Variants in PIK3CA observed in about 807,000 individuals in gnomAD.
The protein encoded by PIK3CA is phosphatidylinositol 4,5-bisphosphate 3-kinase catalytic subunit alpha isoform.
A neutral mutation model predicts 138.2 loss-of-function variants in PIK3CA; 27 were observed. That is an observed-to-expected ratio of 0.20 (90% CI 0.14 to 0.27). The LOEUF (loss-of-function observed/expected upper bound fraction) is 0.27, where lower values mean the gene tolerates loss of function less well. PIK3CA is among the 10% of genes least tolerant of loss of function. The pLI is 1.00. For missense variants in PIK3CA, 544 were observed against 1,277.4 expected, an observed-to-expected ratio of 0.43 and a Z score of 8.75; for synonymous variants, 358 against 413.2, an observed-to-expected ratio of 0.87 and a Z score of 1.62.
chr3:179,192,456 A>G (rs1356044020), intron 1 of PIK3CA, among the ~76,000 whole-genome samples: 2 of 152,234 alleles, frequency 1.3e-5, no homozygotes, highest in Admixed American at 6.5e-5. Flanking sequence ...TCCTATTTCA[A>G]GATTTTAACT....
rs1576942788 is a variant in PIK3CA, at chr3:179,219,163, A to G, written c.1665-33A>G. ...GTCAACCTTTTGAACAGCATGCAAG[A>G]ATGTTTATGTTTATTTTGTTTCTCC... On this transcript the variant is annotated intron_variant, in intron 10 of 20. Transcript: ENST00000263967. The surrounding 1 kb of genome is among the most constrained non-coding windows in gnomAD (Gnocchi z 4.2). 2 of 1,314,742 alleles carry G rather than the reference A, an allele frequency of 1.5e-6. No homozygotes were observed. Among genetic ancestry groups the G allele is most frequent in the African/African-American group, 2.9e-5 (2 of 68,894 alleles). 81.4% of individuals were successfully genotyped at this position (1,314,742 alleles called of 1,614,324 possible).
chr3:179,236,783 T>C lies in PIK3CA; in HGVS notation c.*2419T>C, dbSNP rs1725341161. The stretch of plus-strand genomic sequence containing the variant: ...AGACAAATTCTATAAAGACTATAGA[T>C]TGTGACCTAAGAAAGAAATGAGGCA... On this transcript the variant is annotated 3_prime_UTR_variant, in exon 21 of 21. Coordinates refer to ENST00000263967, the MANE Select transcript of PIK3CA (RefSeq NM_006218.4). 4.7e-6 allele frequency: 1 copy of C among 214,748 alleles called. No homozygotes were observed. Among genetic ancestry groups the C allele is most frequent in the South Asian group, 1.8e-4 (1 of 5,456 alleles). The allele number at this position is 214,748 out of a possible 1,614,324, so 13.3% of individuals were successfully genotyped here.
chr3:179,170,076 G>GCGCGCA (rs1553815527), intron 1 of PIK3CA, among the ~76,000 whole-genome samples: 16 of 139,292 alleles, frequency 1.1e-4, no homozygotes, highest in East Asian at 4.0e-4. Flanking sequence ...ACGCGCGCGC[G>GCGCGCA]CACACACACA....
intron 3 of PIK3CA, among the ~76,000 whole-genome samples, chr3:179,201,038 G>C (rs192622209): frequency 6.6e-6 from 1 of 152,214 alleles, no homozygotes; most frequent in African/African-American, 2.4e-5. Context: ...AATTAGCTTG[G>C]TCTCAGGTAC....
chr3:179,167,184 C>T (rs1273854980), intron 1 of PIK3CA, among the ~76,000 whole-genome samples: 1 of 152,060 alleles, frequency 6.6e-6, no homozygotes, highest in Non-Finnish European at 1.5e-5. Flanking sequence ...GAAATATACA[C>T]ATACCTTAGT....
rs2108389453 is a variant in PIK3CA, at chr3:179,201,342, G to C, written c.615G>C (p.Gln205His). 6.2e-7 allele frequency: 1 copy of C among 1,613,094 alleles called. No individual in the cohort carries two copies. Among genetic ancestry groups the C allele is most frequent in the Non-Finnish European group, 8.5e-7 (1 of 1,179,250 alleles). ...WVIVSPNNDK[Q>H]KYTLKINHDC... is the part of the protein sequence containing the mutation. The stretch of plus-strand genomic sequence containing the variant: ...TAGTTTCTCCAAATAATGACAAGCA[G>C]AAGTATACTCTGAAAATCAACCATG... Residue 205 changes from glutamine to histidine, a missense_variant, in exon 4 of 21, where the codon CAG becomes CAC. Transcript: ENST00000263967.
Position 179,222,158 on chromosome 3 carries a change from T to G in PIK3CA, c.2187+1001T>G, listed in dbSNP as rs576019371. Reference sequence around the variant, plus strand: ...AAAAAAAAGAAAAATCGTATATTAGTGAGTCCCCAAAGGACAGAGAATGTA... The same window carrying G: ...AAAAAAAAGAAAAATCGTATATTAGGGAGTCCCCAAAGGACAGAGAATGTA... On this transcript the variant is annotated intron_variant, in intron 14 of 20. Transcript: ENST00000263967. Among the ~76,000 whole-genome samples, 8 of 152,096 alleles carry G rather than the reference T, an allele frequency of 5.3e-5. 1 individual carries two copies. The South Asian group carries it at 1.7e-3, about 32-fold the overall frequency.
chr3:179,228,784 T>C (rs530930935), intron 17 of PIK3CA, among the ~76,000 whole-genome samples: 4 of 152,194 alleles, frequency 2.6e-5, no homozygotes, highest in Non-Finnish European at 5.9e-5. Flanking sequence ...AATGAATTAG[T>C]AAATATTTAA....
Position 179,230,495 on chromosome 3 carries a change from C to A in PIK3CA, c.2936+119C>A. On this transcript the variant is annotated intron_variant, in intron 20 of 20. Transcript: ENST00000263967. The surrounding 1 kb of genome is among the most constrained non-coding windows in gnomAD (Gnocchi z 5.4). ...GTTGGCTGGGTGTGGTGGTTCATGC[C>A]TGTAATCCCAACTCTTTGGGAGGCC... The A allele has an allele frequency of 1.2e-6, 1 of 842,416 alleles. No homozygotes were observed. 52.2% of individuals were successfully genotyped at this position (842,416 alleles called of 1,614,324 possible).
Position 179,209,581 on chromosome 3 carries a change from A to G in PIK3CA, c.1146-14A>G. Reference sequence around the variant, plus strand: ...TTTCTTGATGTATTATTTTTGCTTTAAAATTTTACATAGGTGGAATGAATG... The same window carrying G: ...TTTCTTGATGTATTATTTTTGCTTTGAAATTTTACATAGGTGGAATGAATG... On this transcript the variant is annotated splice_polypyrimidine_tract_variant and intron_variant, in intron 6 of 20. Transcript: ENST00000263967. The G allele has an allele frequency of 6.5e-7, 1 of 1,543,712 alleles. No homozygotes were observed. Among genetic ancestry groups the G allele is most frequent in the Non-Finnish European group, 8.9e-7 (1 of 1,125,096 alleles).
At chr3:179,228,201 C>T (rs1389092987) in intron 17 of PIK3CA, among the ~76,000 whole-genome samples, 3 of 151,750 alleles carry the variant, frequency 2.0e-5, no homozygotes, top group Non-Finnish European at 2.9e-5. Flanking sequence ...CATTATCTGC[C>T]GCTGAACCTA....
intron 17 of PIK3CA, 46 bp downstream of exon 17, chr3:179,226,086 A>G: frequency 9.9e-7 from 1 of 1,006,452 alleles, no homozygotes; most frequent in African/African-American, 1.6e-5. Context: ...TTATCCTGAA[A>G]AAGTGAACTA....
At chr3:179,151,838 G>A (rs138503073) in intron 1 of PIK3CA, among the ~76,000 whole-genome samples, 44 of 152,274 alleles carry the variant, frequency 2.9e-4, no homozygotes, top group African/African-American at 1.0e-3. Flanking sequence ...GAAAAGTCTA[G>A]CTTGAGTTAG....
intron 1 of PIK3CA, among the ~76,000 whole-genome samples, chr3:179,178,604 T>TA (rs1723762301): frequency 6.6e-6 from 1 of 152,232 alleles, no homozygotes; most frequent in Admixed American, 6.5e-5. Context: ...ACATAACATT[T>TA]ACCTAATGTG....
intron 6 of PIK3CA, among the ~76,000 whole-genome samples, chr3:179,209,231 T>C (rs962524115): frequency 6.6e-6 from 1 of 151,934 alleles, no homozygotes; most frequent in Non-Finnish European, 1.5e-5. Flanking sequence ...TGCTCACTTT[T>C]ATTAGATTAT....
intron 1 of PIK3CA, among the ~76,000 whole-genome samples, chr3:179,173,226 G>T (rs1400398715): frequency 6.6e-6 from 1 of 151,722 alleles, no homozygotes; most frequent in African/African-American, 2.4e-5. Context: ...TTTCAACAAA[G>T]GTGCCAAGGT....
intron 16 of PIK3CA, 26 bp downstream of exon 16, chr3:179,224,847 T>C: frequency 6.5e-7 from 1 of 1,544,000 alleles, no homozygotes; most frequent in Non-Finnish European, 8.9e-7. Context: ...AATGAGCTTA[T>C]GATGCATGAA....
intron 1 of PIK3CA, among the ~76,000 whole-genome samples, chr3:179,187,644 T>C (rs1046099269): frequency 2.6e-5 from 4 of 151,694 alleles, no homozygotes; most frequent in Admixed American, 2.6e-4. Context: ...ATTCTTTTGT[T>C]TGTTTTTCTT....
intron 1 of PIK3CA, among the ~76,000 whole-genome samples, chr3:179,181,731 A>T (rs890204884): frequency 2.6e-5 from 4 of 152,190 alleles, no homozygotes; most frequent in African/African-American, 9.6e-5. Context: ...TAAGTCTACT[A>T]AATCATAGTC....
Sources: allele counts gnomAD v4.1 joint callset (sites outside exome capture counted in the v4.1 genomes callset), GRCh38; gene constraint gnomAD v4.1.1; non-coding constraint Gnocchi (gnomAD v3.1); transcripts MANE v1.5; gene names NCBI Gene and HGNC (gene_info 2026-07-23, HGNC 2026-07-21).